ORC5: variants seen among roughly 807,000 people sequenced by gnomAD.
ORC5 encodes the protein origin recognition complex subunit 5.
In ORC5, 39 loss-of-function variants were observed where a neutral mutation model predicts 58.8. That is an observed-to-expected ratio of 0.66 (90% confidence interval 0.51 to 0.87). ORC5 has a LOEUF of 0.87. Among genes scored for constraint, ORC5 ranks in the 40% least tolerant of loss-of-function variants. The pLI is 0.00. For synonymous variants in ORC5, 218 were observed against 177.6 expected (o/e 1.23, Z -1.81); for missense variants, 493 against 506.3 (o/e 0.97, Z 0.25).
At chr7:104,177,892 G>A (rs976052593) in intron 8 of ORC5, among the ~76,000 whole-genome samples, 1 of 152,148 alleles carries the variant, frequency 6.6e-6, no homozygotes, top group Non-Finnish European at 1.5e-5. Context: ...CCCTGCAAAG[G>A]ACATGAACTC....
At chr7:104,146,012 T>C (rs1798747567) in intron 12 of ORC5, among the ~76,000 whole-genome samples, 1 of 152,184 alleles carries the variant, frequency 6.6e-6, no homozygotes, top group African/African-American at 2.4e-5. Flanking sequence ...CACTAGCAGA[T>C]GACCTTCAAA....
chr7:104,154,802 A>C (rs1798897709), intron 12 of ORC5, among the ~76,000 whole-genome samples: 1 of 151,908 alleles, frequency 6.6e-6, no homozygotes, highest in Non-Finnish European at 1.5e-5. Context: ...TCCTCTTTAG[A>C]AAACTGAAAA....
At chr7:104,164,172 C>G (rs1799069689) in intron 11 of ORC5, among the ~76,000 whole-genome samples, 1 of 152,150 alleles carries the variant, frequency 6.6e-6, no homozygotes, top group Non-Finnish European at 1.5e-5. Flanking sequence ...GTAATCCCAG[C>G]ACTTTGGAAG....
chr7:104,207,772 A>G, intron 1 of ORC5, 61 bp downstream of exon 1: 1 of 1,491,496 alleles, frequency 6.7e-7, no homozygotes, highest in Non-Finnish European at 9.3e-7. Flanking sequence ...ATATTGGAAC[A>G]GGTCGCAAGA....
At chr7:104,155,971 A>T (rs186800137) in intron 12 of ORC5, among the ~76,000 whole-genome samples, 3 of 151,900 alleles carry the variant, frequency 2.0e-5, no homozygotes, top group Non-Finnish European at 1.5e-5. Context: ...AAAGCTGACA[A>T]ATGGTCTTCA....
chr7:104,205,411 T>A (rs74856871), intron 1 of ORC5, among the ~76,000 whole-genome samples: 2,266 of 152,224 alleles, frequency 0.015, 57 homozygotes, highest in African/African-American at 0.051. Flanking sequence ...TACATTTTTT[T>A]AAATAATTAC....
chr7:104,176,425 C>T (rs1352280718), intron 8 of ORC5, among the ~76,000 whole-genome samples: 3 of 152,054 alleles, frequency 2.0e-5, no homozygotes, highest in Non-Finnish European at 4.4e-5. Context: ...CGGTAAAATA[C>T]TTTGATTTCT....
In ORC5 at chr7:104,188,315, T is replaced by C; in HGVS notation, c.620A>G (p.Tyr207Cys). The change falls in exon 6 of 14, where the codon TAC (tyrosine) becomes TGC (cysteine). Residue 207 changes from tyrosine (Y) to cysteine (C), a missense_variant. By Grantham distance (194) the Tyr-to-Cys change is radical (BLOSUM62 -2). Coordinates refer to ENST00000297431, the MANE Select transcript of ORC5 (RefSeq NM_002553.4). ...GAAAACTCCAAGAAGAATGTTAATG[T>C]AGGCAGCATAGAAATCAGCTGAATA... ...PEYSADFYAA[Y>C]INILLGVFYT... The C allele has an allele frequency of 6.2e-7, 1 of 1,612,868 alleles. No homozygotes were observed. The highest frequency in any genetic ancestry group is 8.5e-7 in the Non-Finnish European group (1 of 1,179,072).
Position 104,195,190 on chromosome 7 carries a change from G to A in ORC5, c.506C>T (p.Thr169Ile). 6.3e-7 allele frequency: 1 copy of A among 1,577,374 alleles called. No homozygotes were observed. The highest frequency in any genetic ancestry group is 1.2e-5 in the South Asian group (1 of 83,508). The change falls in exon 5 of 14, where the codon ACT becomes ATT. Residue 169 changes from threonine (T) to isoleucine (I), a missense_variant. This residue lies in a region of ORC5 where 412 missense variants were observed against 403.7 expected (regional missense o/e 1.02). Transcript: ENST00000297431. ...TAAGACAAACGGCTCAAAGCATCCA[G>A]TATTTGGACGAAACTTTTCCCAAAC... ...EIVWEKFRPN[T>I]GCFEPFVLYF...
At chr7:104,202,099 C>T (rs1477640830) in intron 2 of ORC5, among the ~76,000 whole-genome samples, 1 of 133,898 alleles carries the variant, frequency 7.5e-6, no homozygotes, top group African/African-American at 2.8e-5. Context: ...AAAAACAAAA[C>T]AAAACAAAAA....
In ORC5 at chr7:104,136,755, T is replaced by A. The variant is rs769845516; in HGVS notation, c.1262+26A>T. 4 of 1,389,210 alleles carry A rather than the reference T, an allele frequency of 2.9e-6. No homozygotes were observed. In the South Asian group the frequency reaches 4.7e-5, roughly 16 times the overall value. 86.1% of individuals were successfully genotyped at this position (1,389,210 alleles called of 1,614,324 possible). On this transcript the variant is annotated intron_variant, in intron 13 of 13. Transcript: ENST00000297431. The surrounding 1 kb of genome is among the most constrained non-coding windows in gnomAD (Gnocchi z 4.2). The stretch of plus-strand genomic sequence containing the variant: ...AACACTAATTTTTATATTTAGTATA[T>A]CATTACATAATTCAAGACATTTTAC...
intron 8 of ORC5, among the ~76,000 whole-genome samples, chr7:104,175,971 A>T (rs762709497): frequency 6.6e-6 from 1 of 152,332 alleles, no homozygotes; most frequent in South Asian, 2.1e-4. Flanking sequence ...GGATAAAAAG[A>T]AGTGTTTTTA....
chr7:104,173,876 GCT>G (rs1458673621), intron 8 of ORC5, among the ~76,000 whole-genome samples: 3 of 124,816 alleles, frequency 2.4e-5, no homozygotes, highest in East Asian at 4.4e-4. Flanking sequence ...ACGGAGTCTC[GCT>G]CTGTCGCCCA....
chr7:104,185,954 T>C (rs1232184447), intron 6 of ORC5, among the ~76,000 whole-genome samples: 1 of 152,070 alleles, frequency 6.6e-6, no homozygotes, highest in Non-Finnish European at 1.5e-5. Context: ...CCTATTCTAC[T>C]TCATAAAAAA....
intron 10 of ORC5, 119 bp from the exon 11 acceptor site, chr7:104,165,401 T>C (rs1188959096): frequency 3.2e-6 from 2 of 620,492 alleles, no homozygotes; most frequent in South Asian, 1.9e-5. Flanking sequence ...GGTTTTTAAA[T>C]AGTTATTCTT....
At chr7:104,194,893 A>G (rs1209760006) in intron 5 of ORC5, among the ~76,000 whole-genome samples, 4 of 152,162 alleles carry the variant, frequency 2.6e-5, no homozygotes, top group Non-Finnish European at 5.9e-5. Flanking sequence ...AGAAATACAA[A>G]CATCTTATTT....
chr7:104,147,679 A>T (rs994842944), intron 12 of ORC5, among the ~76,000 whole-genome samples: 6 of 152,346 alleles, frequency 3.9e-5, no homozygotes, highest in Middle Eastern at 3.4e-3. Context: ...CCCAATGAAA[A>T]ATAATACAAC....
chr7:104,128,974 G>T (rs1798471592), intron 13 of ORC5, among the ~76,000 whole-genome samples: 1 of 151,318 alleles, frequency 6.6e-6, no homozygotes, highest in African/African-American at 2.4e-5. Context: ...TCCAAAACTA[G>T]GAGAATCCAT....
At chr7:104,131,074 T>G (rs1798505949) in intron 13 of ORC5, among the ~76,000 whole-genome samples, 1 of 152,208 alleles carries the variant, frequency 6.6e-6, no homozygotes, top group African/African-American at 2.4e-5. Context: ...TTGGTGCCAT[T>G]GTAAGTAAAT....
Sources: gnomAD v4.1 joint callset for allele counts (sites outside exome capture counted in the v4.1 genomes callset) on GRCh38, gnomAD v4.1.1 for gene constraint, gnomAD v4.1.1 regional missense constraint, Gnocchi (gnomAD v3.1) non-coding constraint, MANE v1.5 for transcripts, NCBI Gene and HGNC (gene_info 2026-07-23, HGNC 2026-07-21) for gene names.